GPC6: variants seen among roughly 807,000 people sequenced by gnomAD.
GPC6 encodes the protein glypican 6, also known as glypican-6.
A neutral mutation model predicts 55.2 loss-of-function variants in GPC6; 14 were observed. The observed-to-expected ratio is 0.25, with a 90% CI of 0.17 to 0.40. The LOEUF is 0.40. Ranked by LOEUF, GPC6 falls within the 10% of genes least tolerant of loss-of-function variation. The pLI is 1.00. For missense variants in GPC6, 641 were observed against 708.5 expected (o/e 0.90, Z 1.08); for synonymous variants, 278 against 259.6 (o/e 1.07, Z -0.68).
intron 2 of GPC6, among the ~76,000 whole-genome samples, chr13:93,563,082 C>T (rs550403516): frequency 6.6e-6 from 1 of 152,248 alleles, no homozygotes; most frequent in South Asian, 2.1e-4. Flanking sequence ...ATGGCTTTTT[C>T]CATTTCCTGG....
intron 4 of GPC6, among the ~76,000 whole-genome samples, chr13:94,053,846 T>C (rs938540614): frequency 6.6e-6 from 1 of 152,130 alleles, no homozygotes; most frequent in Non-Finnish European, 1.5e-5. Context: ...TTCAGAGATA[T>C]AGATACTTAT....
chr13:93,760,027 A>AAAC (rs1555329521), intron 2 of GPC6, among the ~76,000 whole-genome samples: 154 of 151,386 alleles, frequency 1.0e-3, no homozygotes, highest in African/African-American at 3.7e-3. Flanking sequence ...TGAGAAAACA[A>AAAC]AAAAAAAAAT....
intron 3 of GPC6, among the ~76,000 whole-genome samples, chr13:94,003,304 T>C (rs1314011789): frequency 6.6e-6 from 1 of 152,128 alleles, no homozygotes; most frequent in Non-Finnish European, 1.5e-5. Flanking sequence ...AATTATAAGT[T>C]TAAGAACTTA....
At chr13:93,703,519 AATATCTGC>A (rs1387550962) in intron 2 of GPC6, among the ~76,000 whole-genome samples, 1 of 152,002 alleles carries the variant, frequency 6.6e-6, no homozygotes, top group Non-Finnish European at 1.5e-5. Flanking sequence ...AAAAAAATTC[AATATCTGC>A]ATAGTGCAAT....
chr13:93,678,908 G>C (rs1881746599), intron 2 of GPC6, among the ~76,000 whole-genome samples: 1 of 152,042 alleles, frequency 6.6e-6, no homozygotes, highest in South Asian at 2.1e-4. Context: ...GGGCTTGATT[G>C]GACCAATTTC....
intron 2 of GPC6, among the ~76,000 whole-genome samples, chr13:93,674,003 A>T (rs1043088082): frequency 6.6e-6 from 1 of 152,068 alleles, no homozygotes; most frequent in Non-Finnish European, 1.5e-5. Flanking sequence ...GGAGGATACA[A>T]AAAGATGAAT....
chr13:93,367,919 A>T (rs118134052), intron 1 of GPC6, among the ~76,000 whole-genome samples: 398 of 152,234 alleles, frequency 2.6e-3, no homozygotes, highest in Non-Finnish European at 4.0e-3. Context: ...TTTGTTGGGT[A>T]TCCTATAAAT....
intron 4 of GPC6, among the ~76,000 whole-genome samples, chr13:94,127,627 A>C (rs1323570550): frequency 6.6e-6 from 1 of 152,264 alleles, no homozygotes; most frequent in African/African-American, 2.4e-5. Context: ...CAAAGCCAAG[A>C]TTCTTGTACA....
intron 3 of GPC6, among the ~76,000 whole-genome samples, chr13:93,860,924 G>A (rs1236536644): frequency 1.3e-5 from 2 of 151,492 alleles, no homozygotes; most frequent in Non-Finnish European, 3.0e-5. Flanking sequence ...TTAAAAGGGT[G>A]GGCTCAGGGA....
chr13:94,310,066 G>A (rs1044130049), intron 6 of GPC6, among the ~76,000 whole-genome samples: 1 of 152,108 alleles, frequency 6.6e-6, no homozygotes, highest in Admixed American at 6.5e-5. Context: ...AAAATAGCTC[G>A]ATTTTTAAGA....
chr13:93,754,702 T>TAA (rs11373403), intron 2 of GPC6, among the ~76,000 whole-genome samples: 28 of 146,880 alleles, frequency 1.9e-4, no homozygotes, highest in Admixed American at 4.8e-4. Context: ...ATTTTTTATT[T>TAA]AAAAAAAAAA....
At chr13:94,071,564 G>GT (rs1161216712) in intron 4 of GPC6, among the ~76,000 whole-genome samples, 1 of 152,144 alleles carries the variant, frequency 6.6e-6, no homozygotes, top group East Asian at 1.9e-4. Flanking sequence ...TGTATCTGTG[G>GT]TTTTATCTGG....
chr13:93,243,938 T>G (rs1205848869), intron 1 of GPC6, among the ~76,000 whole-genome samples: 1 of 151,876 alleles, frequency 6.6e-6, no homozygotes, highest in Non-Finnish European at 1.5e-5. Flanking sequence ...AGCACTCAGA[T>G]GTTGCTGGTG....
chr13:94,228,708 T>C (rs1348320339), intron 4 of GPC6, among the ~76,000 whole-genome samples: 3 of 151,728 alleles, frequency 2.0e-5, no homozygotes, highest in East Asian at 1.9e-4. Context: ...TATTCTCCAC[T>C]CCTGGAAAGA....
At chr13:93,738,065 G>A (rs1012957737) in intron 2 of GPC6, among the ~76,000 whole-genome samples, 4 of 152,026 alleles carry the variant, frequency 2.6e-5, no homozygotes, top group African/African-American at 9.7e-5. Context: ...ATACGTCATA[G>A]GATATCAGTG....
intron 1 of GPC6, among the ~76,000 whole-genome samples, chr13:93,417,481 G>A (rs1876742418): frequency 6.6e-6 from 1 of 151,986 alleles, no homozygotes; most frequent in Non-Finnish European, 1.5e-5. Flanking sequence ...GAGGATCAAT[G>A]GCCTTGTAGT....
chr13:94,200,292 T>G (rs1889710746), intron 4 of GPC6, among the ~76,000 whole-genome samples: 1 of 152,226 alleles, frequency 6.6e-6, no homozygotes. Context: ...CTGGCTAACT[T>G]CAAGGTATTT....
rs117227555 is a variant in GPC6, at chr13:94,154,763, G to A, written c.877+126869G>A. Among the ~76,000 whole-genome samples the A allele has an allele frequency of 7.3e-3, 1,104 of 152,204 alleles. 6 individuals are homozygous for A. Among genetic ancestry groups the A allele is most frequent in the Middle Eastern group, 0.031 (9 of 294 alleles). Reference sequence around the variant, plus strand: ...AATTTTAAACTCTGCCTTTTAAGACGTTCTGTAAAGACCTTTGGTTTTCTC... The same window carrying A: ...AATTTTAAACTCTGCCTTTTAAGACATTCTGTAAAGACCTTTGGTTTTCTC... On this transcript the variant is annotated intron_variant, in intron 4 of 8. Transcript: ENST00000377047.
intron 1 of GPC6, among the ~76,000 whole-genome samples, chr13:93,494,053 G>C (rs1263916101): frequency 4.7e-5 from 6 of 127,082 alleles, no homozygotes; most frequent in Non-Finnish European, 8.3e-5. Flanking sequence ...TTGGTGCAGC[G>C]CTGAGTTCAA....
Sources: gnomAD v4.1 joint callset for allele counts (sites outside exome capture counted in the v4.1 genomes callset) on GRCh38, gnomAD v4.1.1 for gene constraint, MANE v1.5 for transcripts, NCBI Gene and HGNC (gene_info 2026-07-23, HGNC 2026-07-21) for gene names.